Variants in CTNNA2 observed in about 807,000 individuals in gnomAD.
CTNNA2 encodes catenin alpha 2.
CTNNA2 carries 42 observed loss-of-function variants against 101.0 expected under a neutral mutation model. That is an observed-to-expected ratio of 0.42 (90% CI 0.32 to 0.54). The LOEUF is 0.54. Among genes scored for constraint, CTNNA2 ranks in the 20% least tolerant of loss-of-function variants. CTNNA2 has a pLI of 0.14. For synonymous variants in CTNNA2, 450 were observed against 456.4 expected, an observed-to-expected ratio of 0.99 and a Z score of 0.18; for missense variants, 871 against 1,223.1, an observed-to-expected ratio of 0.71 and a Z score of 4.29.
At chr2:80,315,172 T>A (rs1356307647) in intron 7 of CTNNA2, among the ~76,000 whole-genome samples, 1 of 152,206 alleles carries the variant, frequency 6.6e-6, no homozygotes, top group Non-Finnish European at 1.5e-5. Flanking sequence ...AAGCACAAAT[T>A]GCATTGTGCC....
intron 2 of CTNNA2, among the ~76,000 whole-genome samples, chr2:79,708,290 A>G (rs1176562390): frequency 6.6e-6 from 1 of 152,188 alleles, no homozygotes; most frequent in Non-Finnish European, 1.5e-5. Flanking sequence ...TGATTACAGC[A>G]TGTTAGTTAA....
intron 9 of CTNNA2, among the ~76,000 whole-genome samples, chr2:80,486,425 A>T (rs148802336): frequency 5.3e-5 from 8 of 152,314 alleles, no homozygotes; most frequent in African/African-American, 7.2e-5. Flanking sequence ...CATAATAACC[A>T]TGGAAACACA....
At chr2:79,972,268 G>A (rs565651363) in intron 7 of CTNNA2, among the ~76,000 whole-genome samples, 46 of 152,236 alleles carry the variant, frequency 3.0e-4, no homozygotes, top group African/African-American at 1.1e-3. Flanking sequence ...CTACAATAAG[G>A]ATAGAGAAGA....
intron 2 of CTNNA2, among the ~76,000 whole-genome samples, chr2:79,306,428 C>T (rs1264986078): frequency 6.6e-6 from 1 of 152,158 alleles, no homozygotes; most frequent in Non-Finnish European, 1.5e-5. Flanking sequence ...AAAATGTATA[C>T]ATATATCAAA....
intron 9 of CTNNA2, among the ~76,000 whole-genome samples, chr2:80,541,994 A>C (rs1184553220): frequency 6.6e-6 from 1 of 151,258 alleles, no homozygotes; most frequent in East Asian, 1.9e-4. Context: ...ACTAATGGCG[A>C]ATCTTGTTTT....
At chr2:80,358,720 G>C (rs79183684) in intron 7 of CTNNA2, among the ~76,000 whole-genome samples, 4,418 of 152,000 alleles carry the variant, frequency 0.029, 117 homozygotes, top group African/African-American at 0.066. Flanking sequence ...GTATTTCCTT[G>C]TATATCTTTA....
chr2:79,348,131 C>A (rs965174127), intron 3 of CTNNA2, among the ~76,000 whole-genome samples: 11 of 152,116 alleles, frequency 7.2e-5, no homozygotes, highest in Non-Finnish European at 1.5e-4. Flanking sequence ...TAGAACCAAA[C>A]AACAAAATGC....
At chr2:79,962,629 T>C (rs1689722423) in intron 7 of CTNNA2, among the ~76,000 whole-genome samples, 1 of 152,216 alleles carries the variant, frequency 6.6e-6, no homozygotes, top group Non-Finnish European at 1.5e-5. Flanking sequence ...GAGAACCAAC[T>C]GTGCTGGAGA....
chr2:80,040,300 G>A (rs1231147391), intron 7 of CTNNA2, among the ~76,000 whole-genome samples: 2 of 152,166 alleles, frequency 1.3e-5, no homozygotes, highest in Non-Finnish European at 2.9e-5. Context: ...TTTTCCTGAA[G>A]TATTTTTTCT....
At chr2:80,370,097 G>A (rs752662671) in intron 7 of CTNNA2, among the ~76,000 whole-genome samples, 3 of 152,170 alleles carry the variant, frequency 2.0e-5, no homozygotes, top group Admixed American at 6.6e-5. Context: ...CAAGTATCAT[G>A]AATTCACAAC....
At chr2:80,175,138 A>T (rs994374028) in intron 7 of CTNNA2, among the ~76,000 whole-genome samples, 1 of 151,998 alleles carries the variant, frequency 6.6e-6, no homozygotes, top group African/African-American at 2.4e-5. Context: ...GCTTTTTTCA[A>T]CCCACTCTTT....
chr2:79,834,570 T>C (rs575543168), intron 3 of CTNNA2, among the ~76,000 whole-genome samples: 2 of 152,228 alleles, frequency 1.3e-5, no homozygotes, highest in Admixed American at 6.5e-5. Flanking sequence ...TCCTTTTTCA[T>C]TGGGTTGATT....
At chr2:79,447,300 A>G (rs1678844142) in intron 4 of CTNNA2, among the ~76,000 whole-genome samples, 1 of 151,902 alleles carries the variant, frequency 6.6e-6, no homozygotes, top group African/African-American at 2.4e-5. Context: ...ATGCTCACTC[A>G]CTGAAAGGAC....
intron 8 of CTNNA2, among the ~76,000 whole-genome samples, chr2:80,400,801 T>C (rs1165961222): frequency 2.6e-5 from 4 of 152,190 alleles, no homozygotes; most frequent in African/African-American, 7.2e-5. Context: ...CCTAATTCAC[T>C]GCTTTTCACA....
rs1260611553 is a variant in CTNNA2, at chr2:79,392,424, A to T, written c.-135+18411A>T. Among the ~76,000 whole-genome samples, 3 of 152,316 alleles carry T rather than the reference A, an allele frequency of 2.0e-5. No homozygotes were observed. The East Asian group carries it at 5.8e-4, about 29-fold the overall frequency. ...CAGGTAAAACCTCAGAAAAGGATCA[A>T]TGTTTTCTCTGAAATCCATGGTTAC... On this transcript the variant is annotated intron_variant, in intron 4 of 21. Coordinates refer to the CTNNA2 transcript ENST00000466387.
intron 7 of CTNNA2, among the ~76,000 whole-genome samples, chr2:80,079,942 T>C (rs571634323): frequency 6.6e-6 from 1 of 151,568 alleles, no homozygotes. Flanking sequence ...ATTTCAGTTA[T>C]TATTGCTTTA....
intron 14 of CTNNA2, among the ~76,000 whole-genome samples, chr2:80,588,262 G>T (rs1386159286): frequency 6.6e-6 from 1 of 152,150 alleles, no homozygotes. Context: ...ACGCACTTCA[G>T]CACCATGCTT....
chr2:79,540,393 A>T (rs559945904), intron 1 of CTNNA2, among the ~76,000 whole-genome samples: 1 of 152,202 alleles, frequency 6.6e-6, no homozygotes, highest in South Asian at 2.1e-4. Context: ...AGAGCACCTT[A>T]AACAGTGTCT....
intron 2 of CTNNA2, among the ~76,000 whole-genome samples, chr2:79,293,535 G>T (rs189908428): frequency 6.6e-6 from 1 of 152,132 alleles, no homozygotes; most frequent in Non-Finnish European, 1.5e-5. Context: ...TAGACAATAA[G>T]GAGTCTATAA....
Sources: allele counts gnomAD v4.1 joint callset (sites outside exome capture counted in the v4.1 genomes callset), GRCh38; gene constraint gnomAD v4.1.1; transcripts MANE v1.5; gene names NCBI Gene and HGNC (gene_info 2026-07-23, HGNC 2026-07-21).